The following SCD5 variants were observed in gnomAD, a reference collection of about 807,000 sequenced individuals.
SCD5 encodes the protein stearoyl-CoA desaturase 5.
Under a neutral mutation model 30.4 loss-of-function variants are expected in SCD5, and 20 were observed. That is an observed-to-expected ratio of 0.66 (90% CI 0.46 to 0.96). The LOEUF is 0.96. Ranked by LOEUF, SCD5 falls within the 40% of genes least tolerant of loss-of-function variation. The probability of loss-of-function intolerance (pLI) is 0.00; values close to 1 mark genes in which losing one functional copy is unlikely to be tolerated. For synonymous variants in SCD5, 173 were observed against 176.4 expected, an observed-to-expected ratio of 0.98 and a Z score of 0.16; for missense variants, 381 against 443.3, an observed-to-expected ratio of 0.86 and a Z score of 1.26.
At chr4:82,730,358 A>G (rs1281070642) in intron 1 of SCD5, among the ~76,000 whole-genome samples, 2 of 149,936 alleles carry the variant, frequency 1.3e-5, no homozygotes, top group Admixed American at 1.3e-4. Context: ...GTCCAGTGGC[A>G]CGATCTTGGC....
intron 2 of SCD5, among the ~76,000 whole-genome samples, chr4:82,690,067 T>C (rs184682833): frequency 2.6e-4 from 39 of 152,366 alleles, no homozygotes; most frequent in African/African-American, 7.5e-4. Flanking sequence ...TAACTCATTG[T>C]AATGCATAAT....
At chr4:82,642,195 T>C (rs955061120) in intron 3 of SCD5, among the ~76,000 whole-genome samples, 3 of 152,080 alleles carry the variant, frequency 2.0e-5, no homozygotes, top group African/African-American at 2.4e-5. Context: ...TCCAGAGATG[T>C]CTTGGGCCTT....
chr4:82,705,358 C>T lies in SCD5; in HGVS notation c.288G>A (p.Leu96=). ...ALGVTAGAHR[L]WSHRSYRAKL... ...TGGCCCGGTAGGACCTGTGGCTCCACAAGCGATGGGCACCAGCTGTCACAC... is the reference window on the plus strand; with the variant it reads ...TGGCCCGGTAGGACCTGTGGCTCCATAAGCGATGGGCACCAGCTGTCACAC... Residue 96 remains leucine (L), a synonymous_variant, in exon 2 of 5, where the codon TTG becomes TTA. Transcript: ENST00000319540. The T allele has an allele frequency of 6.2e-7, 1 of 1,614,230 alleles. No homozygotes were observed. Among genetic ancestry groups the T allele is most frequent in the Non-Finnish European group, 8.5e-7 (1 of 1,180,040 alleles).
intron 1 of SCD5, among the ~76,000 whole-genome samples, chr4:82,779,862 T>C (rs1721831689): frequency 6.6e-6 from 1 of 152,156 alleles, no homozygotes; most frequent in Admixed American, 6.6e-5. Context: ...CCACAGTGAG[T>C]CCATCATCAA....
chr4:82,765,304 G>A (rs758676174), intron 1 of SCD5, among the ~76,000 whole-genome samples: 9 of 152,142 alleles, frequency 5.9e-5, no homozygotes, highest in South Asian at 2.1e-4. Flanking sequence ...GTGCATTAAA[G>A]ATATTACTCC....
chr4:82,793,867 C>T (rs1257685810), intron 1 of SCD5, among the ~76,000 whole-genome samples: 1 of 152,080 alleles, frequency 6.6e-6, no homozygotes, highest in Non-Finnish European at 1.5e-5. Flanking sequence ...GCCTTGCTTA[C>T]TCTAGAAAAC....
At chr4:82,653,483 AC>A (rs1727797189) in intron 3 of SCD5, among the ~76,000 whole-genome samples, 1 of 152,026 alleles carries the variant, frequency 6.6e-6, no homozygotes, top group Non-Finnish European at 1.5e-5. Flanking sequence ...CCTCACTACC[AC>A]CTGGGATTCT....
intron 3 of SCD5, among the ~76,000 whole-genome samples, chr4:82,657,686 G>C (rs1021737340): frequency 3.3e-5 from 5 of 152,072 alleles, no homozygotes; most frequent in African/African-American, 1.2e-4. Context: ...AAATTACTTT[G>C]GGCAGTATGG....
chr4:82,753,541 C>G, intron 1 of SCD5: 3 of 425,788 alleles, frequency 7.0e-6, no homozygotes, highest in Non-Finnish European at 1.5e-5. Context: ...GAGTCACCTG[C>G]GGGGAAGGGT....
chr4:82,746,460 C>G (rs1369234102), intron 1 of SCD5, among the ~76,000 whole-genome samples: 1 of 152,082 alleles, frequency 6.6e-6, no homozygotes, highest in Non-Finnish European at 1.5e-5. Context: ...CATCTGAGAC[C>G]ACGATGACAT....
At chr4:82,703,507 A>G (rs1719902840) in intron 2 of SCD5, among the ~76,000 whole-genome samples, 1 of 152,240 alleles carries the variant, frequency 6.6e-6, no homozygotes, top group African/African-American at 2.4e-5. Context: ...ACTTGCAGAA[A>G]GGCTCACATC....
At chr4:82,680,202 G>T (rs4693485) in intron 3 of SCD5, among the ~76,000 whole-genome samples, 19,960 of 152,226 alleles carry the variant, frequency 0.13, 1,574 homozygotes, top group East Asian at 0.4. Context: ...CTGTTGAATG[G>T]TCTCATTTTC....
chr4:82,633,464 A>G (rs1727362643), intron 4 of SCD5, among the ~76,000 whole-genome samples: 1 of 152,212 alleles, frequency 6.6e-6, no homozygotes, highest in Non-Finnish European at 1.5e-5. Context: ...TATCTCTTCA[A>G]CATCCTGATT....
chr4:82,670,738 A>C (rs979137680), intron 3 of SCD5, among the ~76,000 whole-genome samples: 5 of 151,870 alleles, frequency 3.3e-5, no homozygotes, highest in Admixed American at 6.6e-5. Flanking sequence ...GGCAAATATC[A>C]ATTCCATGTC....
At chr4:82,686,602 T>C (rs17351478) in intron 2 of SCD5, among the ~76,000 whole-genome samples, 3,514 of 152,340 alleles carry the variant, frequency 0.023, 56 homozygotes, top group Middle Eastern at 0.078. Flanking sequence ...TGATTAAATA[T>C]TTTGTGATAA....
intron 3 of SCD5, among the ~76,000 whole-genome samples, chr4:82,643,618 C>G (rs1229241138): frequency 1.3e-5 from 2 of 152,106 alleles, no homozygotes; most frequent in Non-Finnish European, 2.9e-5. Context: ...GGAATGATGA[C>G]AAAGTTTTCT....
intron 1 of SCD5, among the ~76,000 whole-genome samples, chr4:82,725,286 G>A (rs1163345649): frequency 6.6e-6 from 1 of 152,156 alleles, no homozygotes; most frequent in African/African-American, 2.4e-5. Flanking sequence ...GGCTCCTGAT[G>A]GTGATAATCA....
intron 1 of SCD5, among the ~76,000 whole-genome samples, chr4:82,771,559 A>C (rs1000494776): frequency 6.6e-6 from 1 of 152,228 alleles, no homozygotes; most frequent in African/African-American, 2.4e-5. Context: ...AGATAGGAGA[A>C]GGTGACTCAA....
rs1455574283 is a variant in SCD5 at position 82,747,098 on chromosome 4, C to T, written c.233-41685G>A. ...CCCAAGAAAGACGACCTTCCCACTC[C>T]ATCCCCTGCTTCTGGCTCCCCATCC... On this transcript the variant is annotated intron_variant, in intron 1 of 4. Coordinates refer to ENST00000319540, the MANE Select transcript of SCD5 (RefSeq NM_001037582.3). 2.0e-5 allele frequency among the ~76,000 whole-genome samples: 3 copies of T among 150,504 alleles called. No individual in the cohort carries two copies. The East Asian group carries it at 5.9e-4, about 30-fold the overall frequency.
Sources: allele counts gnomAD v4.1 joint callset (sites outside exome capture counted in the v4.1 genomes callset), GRCh38; gene constraint gnomAD v4.1.1; transcripts MANE v1.5; gene names NCBI Gene and HGNC (gene_info 2026-07-23, HGNC 2026-07-21).